The following TSPAN5 variants were observed in gnomAD, a reference collection of about 807,000 sequenced individuals.
TSPAN5 encodes tetraspanin 5.
In TSPAN5, 10 loss-of-function variants were observed where a neutral mutation model predicts 37.1. That is an observed-to-expected ratio of 0.27 (90% CI 0.17 to 0.46). The LOEUF is 0.46. TSPAN5 is among the 20% of genes least tolerant of loss of function. The pLI is 1.00. For missense variants in TSPAN5, 195 were observed against 326.6 expected, an observed-to-expected ratio of 0.60 and a Z score of 3.11; for synonymous variants, 110 against 118.9, an observed-to-expected ratio of 0.93 and a Z score of 0.48.
rs368295862 is a variant in TSPAN5, at chr4:98,655,885, A to C, written c.81+2261T>G. ...TTTAAATATGGGGTAATTTTGAGGC[A>C]GAGAGCAGGATAGGAAAGGTATGAG... On this transcript the variant is annotated intron_variant, in intron 1 of 7. Transcript: ENST00000305798. Among the ~76,000 whole-genome samples the C allele has an allele frequency of 1.1e-4, 16 of 152,342 alleles. No individual in the cohort carries two copies. In the East Asian group the frequency reaches 2.1e-3, roughly 20 times the overall value.
At chr4:98,583,509 T>A (rs1755415880) in intron 1 of TSPAN5, among the ~76,000 whole-genome samples, 1 of 152,030 alleles carries the variant, frequency 6.6e-6, no homozygotes, top group African/African-American at 2.4e-5. Flanking sequence ...ATATCAATAA[T>A]CTCTAACAGG....
At chr4:98,476,533 A>T in intron 5 of TSPAN5, 73 bp from the exon 6 acceptor site, 1 of 1,397,876 alleles carries the variant, frequency 7.2e-7, no homozygotes, top group Non-Finnish European at 1.0e-6. Flanking sequence ...TGAGCAGAAG[A>T]CTTCTGTTAC....
intron 1 of TSPAN5, among the ~76,000 whole-genome samples, chr4:98,541,696 G>T (rs1336728713): frequency 7.4e-6 from 1 of 134,364 alleles, no homozygotes; most frequent in African/African-American, 2.8e-5. Context: ...AAAAAAAAAA[G>T]AGAGAGAGAG....
chr4:98,475,239 G>A lies in TSPAN5; in HGVS notation c.741+950C>T, dbSNP rs566901230. Among the ~76,000 whole-genome samples the A allele has an allele frequency of 3.8e-4, 58 of 152,320 alleles. No homozygotes were observed. The South Asian group carries it at 0.012, about 31-fold the overall frequency. On this transcript the variant is annotated intron_variant, in intron 7 of 7. Coordinates refer to ENST00000305798, the MANE Select transcript of TSPAN5 (RefSeq NM_005723.4). ...TTTTGATAGGGATTACACTGAATCT[G>A]TAGATCAACTTGATGAGTGTTGTTA...
Position 98,484,764 on chromosome 4 carries a change from C to T in TSPAN5, c.279+1974G>A, listed in dbSNP as rs547616688. 1.2e-3 allele frequency: 390 copies of T among 335,318 alleles called. 3 individuals carry two copies. The highest frequency in any genetic ancestry group is 7.6e-3 in the Middle Eastern group (7 of 926). The allele number at this position is 335,318 out of a possible 1,614,324, so 20.8% of individuals were successfully genotyped here. A position where few individuals can be genotyped will look rare whatever the true frequency, so the allele number is the denominator to read the frequency against. On this transcript the variant is annotated intron_variant, in intron 3 of 7. Transcript: ENST00000305798. ...ATCACTTGAGGTCCGGAGTTCAAGA[C>T]CAGCCTGGCCAACATGGTGAAACCC...
At chr4:98,548,567 T>C (rs1754524633) in intron 1 of TSPAN5, among the ~76,000 whole-genome samples, 2 of 152,152 alleles carry the variant, frequency 1.3e-5, no homozygotes, top group South Asian at 2.1e-4. Flanking sequence ...TGCAGATTTC[T>C]TACATGCATA....
chr4:98,513,861 AATAGATAGATAGATAGATAG>A (rs56142906), intron 1 of TSPAN5, among the ~76,000 whole-genome samples: 9 of 149,662 alleles, frequency 6.0e-5, no homozygotes, highest in East Asian at 3.9e-4. Context: ...ATAAAAAGCA[AATAGATAGATAGATAGATAG>A]ATAGATAGAT....
At chr4:98,609,727 C>G (rs1756134868) in intron 1 of TSPAN5, among the ~76,000 whole-genome samples, 1 of 152,134 alleles carries the variant, frequency 6.6e-6, no homozygotes, top group Non-Finnish European at 1.5e-5. Flanking sequence ...GTCCCAAACT[C>G]CTCTTCCCTG....
At chr4:98,583,445 T>C (rs953667020) in intron 1 of TSPAN5, among the ~76,000 whole-genome samples, 8 of 152,056 alleles carry the variant, frequency 5.3e-5, no homozygotes, top group Admixed American at 1.3e-4. Flanking sequence ...CAGGGTGTGA[T>C]TGTTCCCCTC....
intron 1 of TSPAN5, among the ~76,000 whole-genome samples, chr4:98,516,169 C>T (rs1008978129): frequency 6.6e-6 from 1 of 152,242 alleles, no homozygotes; most frequent in African/African-American, 2.4e-5. Context: ...CCTGCCCCAA[C>T]AGGGGCTCCT....
intron 1 of TSPAN5, among the ~76,000 whole-genome samples, chr4:98,517,996 G>T (rs1753772127): frequency 6.6e-6 from 1 of 152,076 alleles, no homozygotes. Context: ...ATAAACTGCG[G>T]TTTGCATTAG....
At chr4:98,624,915 C>T (rs1756561301) in intron 1 of TSPAN5, among the ~76,000 whole-genome samples, 1 of 152,112 alleles carries the variant, frequency 6.6e-6, no homozygotes, top group Non-Finnish European at 1.5e-5. Context: ...CTTTAGATTC[C>T]TCCTATACAG....
At chr4:98,496,535 G>A (rs766736205) in intron 2 of TSPAN5, 1 of 152,194 alleles carries the variant, frequency 6.6e-6, no homozygotes, top group Non-Finnish European at 1.5e-5. Flanking sequence ...ATTAAAAAGT[G>A]GCCATGACCT....
chr4:98,544,422 T>C (rs6823547), intron 1 of TSPAN5, among the ~76,000 whole-genome samples: 114,701 of 152,008 alleles, frequency 0.75, 43,981 homozygotes, highest in African/African-American at 0.89. Context: ...TGTGTGTGTA[T>C]AGGGGAAGCC....
intron 1 of TSPAN5, among the ~76,000 whole-genome samples, chr4:98,634,984 T>G (rs1302982554): frequency 6.6e-6 from 1 of 152,152 alleles, no homozygotes; most frequent in Non-Finnish European, 1.5e-5. Flanking sequence ...GACCACAGCC[T>G]TTCAGGGTGA....
chr4:98,504,422 A>G lies in TSPAN5; in HGVS notation c.132+3256T>C, dbSNP rs372170614. Among the ~76,000 whole-genome samples, 19 of 152,284 alleles carry G rather than the reference A, an allele frequency of 1.2e-4. No homozygotes were observed. In the East Asian group the frequency reaches 3.7e-3, roughly 29 times the overall value. Reference sequence around the variant, plus strand: ...CTTTGAGAGAGCAGTCTCTGCAGTTACCAAGGAGATCAACACACTTCACAT... The same window carrying G: ...CTTTGAGAGAGCAGTCTCTGCAGTTGCCAAGGAGATCAACACACTTCACAT... On this transcript the variant is annotated intron_variant, in intron 2 of 7. Coordinates refer to ENST00000305798, the MANE Select transcript of TSPAN5 (RefSeq NM_005723.4).
intron 1 of TSPAN5, among the ~76,000 whole-genome samples, chr4:98,622,025 ATC>A (rs1313616505): frequency 6.6e-6 from 1 of 152,150 alleles, no homozygotes; most frequent in Admixed American, 6.5e-5. Flanking sequence ...AGGGACAATT[ATC>A]TGAGCTGTTT....
intron 1 of TSPAN5, among the ~76,000 whole-genome samples, chr4:98,566,077 G>A (rs896709465): frequency 2.6e-5 from 4 of 152,078 alleles, no homozygotes; most frequent in Non-Finnish European, 5.9e-5. Flanking sequence ...AAAGGGGAGG[G>A]GAGGCAACAG....
chr4:98,538,282 C>T (rs1253209957), intron 1 of TSPAN5, among the ~76,000 whole-genome samples: 1 of 152,216 alleles, frequency 6.6e-6, no homozygotes, highest in African/African-American at 2.4e-5. Context: ...GGCTGTTCTG[C>T]CTGCTCCTCA....
Sources: allele counts gnomAD v4.1 joint callset (sites outside exome capture counted in the v4.1 genomes callset), GRCh38; gene constraint gnomAD v4.1.1; transcripts MANE v1.5; gene names NCBI Gene and HGNC (gene_info 2026-07-23, HGNC 2026-07-21).